The following TNRC18 variants were observed in gnomAD, a reference collection of about 807,000 sequenced individuals.
TNRC18 encodes trinucleotide repeat containing 18.
In TNRC18, 69 loss-of-function variants were observed where a neutral mutation model predicts 226.7. The ratio of observed to expected loss-of-function variants is 0.30; its 90% CI spans 0.25 to 0.37. The LOEUF (loss-of-function observed/expected upper bound fraction) is 0.37, where lower values mean the gene tolerates loss of function less well. Ranked by LOEUF, TNRC18 falls within the 10% of genes least tolerant of loss-of-function variation. TNRC18 has a pLI of 1.00. For missense variants in TNRC18, 4,754 were observed against 4,256.6 expected (o/e 1.12, Z -3.25); for synonymous variants, 2,449 against 1,927.6 (o/e 1.27, Z -7.09).
chr7:5,377,892 T>G lies in TNRC18; in HGVS notation c.2255+30A>C, dbSNP rs1779117314. ...CCCCCAGGGGCTCCTAGATACCCCCTAGACCCTCAGGATCCCCCGACACCC... is the reference window on the plus strand; with the variant it reads ...CCCCCAGGGGCTCCTAGATACCCCCGAGACCCTCAGGATCCCCCGACACCC... On this transcript the variant is annotated intron_variant, in intron 6 of 29. Transcript: ENST00000430969. This position sits in a 1 kb window ranked among gnomAD's most constrained non-coding sequence, Gnocchi z 5.8. The G allele has an allele frequency of 6.2e-7, 1 of 1,606,996 alleles. No individual in the cohort carries two copies. The highest frequency in any genetic ancestry group is 1.3e-5 in the African/African-American group (1 of 74,628).
intron 19 of TNRC18, among the ~76,000 whole-genome samples, chr7:5,330,872 G>A (rs1789457088): frequency 6.6e-6 from 1 of 151,884 alleles, no homozygotes; most frequent in African/African-American, 2.4e-5. Context: ...ACAGGATTTC[G>A]TCATGTTGGC....
chr7:5,400,126 G>A lies in TNRC18; in HGVS notation c.188-5531C>T, dbSNP rs1371230567. Among the ~76,000 whole-genome samples the A allele has an allele frequency of 6.6e-5, 10 of 151,980 alleles. No homozygotes were observed. The East Asian group carries it at 1.7e-3, about 26-fold the overall frequency. ...CGAAGTCTGGGGTCTAGAATTCCTGGGCTCAAGCGATCCTCCCACCTCGGC... is the reference window on the plus strand; with the variant it reads ...CGAAGTCTGGGGTCTAGAATTCCTGAGCTCAAGCGATCCTCCCACCTCGGC... On this transcript the variant is annotated intron_variant, in intron 2 of 29. Transcript: ENST00000430969.
Position 5,325,189 on chromosome 7 carries a change from G to A in TNRC18, c.6207C>T (p.Ala2069=). 1 of 1,554,508 alleles carries A rather than the reference G, an allele frequency of 6.4e-7. No homozygotes were observed. The highest frequency in any genetic ancestry group is 8.7e-7 in the Non-Finnish European group (1 of 1,149,734). ...GAGLPPPRAP[A]LPSEARAPHA... ...GAGGAGCCCTGGCCTCAGAGGGCAA[G>A]GCAGGAGCTCGGGGCGGCGGCAGCC... is the stretch of plus-strand genomic sequence containing the variant. Residue 2069 remains alanine (A), a synonymous_variant, in exon 20 of 30, where the codon GCC becomes GCT. Coordinates refer to ENST00000430969, the MANE Select transcript of TNRC18 (RefSeq NM_001080495.3).
chr7:5,376,229 A>G lies in TNRC18; in HGVS notation c.2609-5T>C, dbSNP rs762974427. On this transcript the variant is annotated splice_polypyrimidine_tract_variant and splice_region_variant and intron_variant, in intron 8 of 29. Transcript: ENST00000430969. ...TGGCCCGCTCCATCAGCTCCGCTGC[A>G]GGGACAGAGACAGTGCGCTGCACCT... 8.0e-6 allele frequency: 12 copies of G among 1,492,362 alleles called. No individual in the cohort carries two copies. In the East Asian group the frequency reaches 9.6e-5, roughly 12 times the overall value. 92.4% of individuals were successfully genotyped at this position (1,492,362 alleles called of 1,614,324 possible). A position where few individuals can be genotyped will look rare whatever the true frequency, so the allele number is the denominator to read the frequency against.
intron 19 of TNRC18, among the ~76,000 whole-genome samples, chr7:5,328,489 G>T (rs546087411): frequency 6.6e-6 from 1 of 150,428 alleles, no homozygotes; most frequent in African/African-American, 2.4e-5. Context: ...GCAACACAGT[G>T]AGACCACCTT....
At chr7:5,322,892 G>A (rs1268330718) in intron 21 of TNRC18, among the ~76,000 whole-genome samples, 1 of 152,224 alleles carries the variant, frequency 6.6e-6, no homozygotes, top group Non-Finnish European at 1.5e-5. Context: ...CTGACGTTGG[G>A]CTTGGCCATG....
Position 5,394,426 on chromosome 7 carries a change from G to A in TNRC18, c.343+14C>T, listed in dbSNP as rs777122464. ...CCCAGCAGCCCTCAGCCCCGACCCC[G>A]GCATGTTCCTTACCTTCATGGGCGT... is the stretch of plus-strand genomic sequence containing the variant. On this transcript the variant is annotated intron_variant, in intron 3 of 29. Transcript: ENST00000430969. The surrounding 1 kb of genome is among the most constrained non-coding windows in gnomAD (Gnocchi z 4.5). 2.5e-5 allele frequency: 38 copies of A among 1,521,060 alleles called. No individual in the cohort carries two copies. The highest frequency in any genetic ancestry group is 5.0e-5 in the South Asian group (4 of 80,718). 94.2% of individuals were successfully genotyped at this position (1,521,060 alleles called of 1,614,324 possible). A position where few individuals can be genotyped will look rare whatever the true frequency, so the allele number is the denominator to read the frequency against.
rs1286713089 is a variant in TNRC18 at position 5,313,822 on chromosome 7, C to T, written c.7069G>A (p.Val2357Ile). Residue 2357 changes from valine (V) to isoleucine (I), a missense_variant, in exon 27 of 30, where the codon GTC becomes ATC. Coordinates refer to ENST00000430969, the MANE Select transcript of TNRC18 (RefSeq NM_001080495.3). Reference protein sequence around the residue: ...TLEEGNPTDEVPSTPLALEPS... With the variant: ...TLEEGNPTDEIPSTPLALEPS... ...TCCAGGGCTAAGGGGGTACTGGGGA[C>T]CTCGTCTGTTGGGTTCCCCTCCTCC... The T allele has an allele frequency of 1.3e-6, 2 of 1,509,342 alleles. No individual in the cohort carries two copies. Among genetic ancestry groups the T allele is most frequent in the Admixed American group, 4.5e-5 (2 of 44,136 alleles). 93.5% of individuals were successfully genotyped at this position (1,509,342 alleles called of 1,614,324 possible).
chr7:5,414,540 G>A (rs1782044106), intron 2 of TNRC18, among the ~76,000 whole-genome samples: 1 of 151,940 alleles, frequency 6.6e-6, no homozygotes, highest in Non-Finnish European at 1.5e-5. Flanking sequence ...AGCCTCCAGA[G>A]TAGCTGGGAC....
chr7:5,376,805 G>A (rs1413367838), intron 8 of TNRC18, 42 bp downstream of exon 8: 1 of 1,594,790 alleles, frequency 6.3e-7, no homozygotes, highest in Non-Finnish European at 8.5e-7. Flanking sequence ...CGCTGGGCAT[G>A]GCCAGTCTGG....
intron 11 of TNRC18, among the ~76,000 whole-genome samples, chr7:5,365,038 CG>C (rs2128165687): frequency 6.8e-6 from 1 of 146,618 alleles, no homozygotes; most frequent in Admixed American, 6.9e-5. Context: ...GGGGCGGGGG[CG>C]GAAGGGCAGC....
intron 14 of TNRC18, among the ~76,000 whole-genome samples, 176 bp downstream of exon 14, chr7:5,361,418 G>A (rs10264950): frequency 5.9e-5 from 9 of 152,306 alleles, no homozygotes; most frequent in Non-Finnish European, 8.8e-5. Flanking sequence ...CACCGGCCTC[G>A]CTCCCTCCTG....
chr7:5,414,569 C>T (rs1782046599), intron 2 of TNRC18, among the ~76,000 whole-genome samples: 2 of 152,066 alleles, frequency 1.3e-5, no homozygotes, highest in African/African-American at 2.4e-5. Flanking sequence ...CCCGCCACCA[C>T]GCCCGGCTAT....
At position 5,346,202 on chromosome 7, in the gene TNRC18, G is replaced by C. The variant is rs562509753; in HGVS notation, c.5471-392C>G. Among the ~76,000 whole-genome samples the C allele has an allele frequency of 2.0e-5, 3 of 152,364 alleles. No individual in the cohort carries two copies. In the East Asian group the frequency reaches 5.8e-4, roughly 29 times the overall value. On this transcript the variant is annotated intron_variant, in intron 17 of 29. Coordinates refer to ENST00000430969, the MANE Select transcript of TNRC18 (RefSeq NM_001080495.3). ...ACACAGAGGCAGGAGGAGAAGGAAA[G>C]AGGAAGCGGAGGGAGGTGAGCACGG...
intron 17 of TNRC18, among the ~76,000 whole-genome samples, chr7:5,351,526 G>T (rs947677321): frequency 1.4e-4 from 22 of 152,114 alleles, no homozygotes; most frequent in Non-Finnish European, 2.9e-5. Context: ...CAGGGAGGAG[G>T]GCAAGTGGAG....
intron 10 of TNRC18, among the ~76,000 whole-genome samples, chr7:5,372,070 ATT>A (rs35270494): frequency 5.7e-4 from 83 of 144,766 alleles, no homozygotes; most frequent in South Asian, 6.6e-4. Flanking sequence ...CGCCTGGCTA[ATT>A]TTTTTTTTTT....
Position 5,306,851 on chromosome 7 carries a change from C to T in TNRC18, c.*1255G>A, listed in dbSNP as rs574626806. On this transcript the variant is annotated 3_prime_UTR_variant, in exon 30 of 30. Coordinates refer to ENST00000430969, the MANE Select transcript of TNRC18 (RefSeq NM_001080495.3). ...TGAAAAAAGATCACACAGAATTTGC[C>T]AACAAACAAAATTCCAAAAGAAACA... 6.7e-6 allele frequency: 1 copy of T among 149,454 alleles called. No homozygotes were observed. The highest frequency in any genetic ancestry group is 2.1e-4 in the South Asian group (1 of 4,704). The allele number at this position is 149,454 out of a possible 1,614,324, so 9.3% of individuals were successfully genotyped here. A position where few individuals can be genotyped will look rare whatever the true frequency, so the allele number is the denominator to read the frequency against.
At chr7:5,420,499 C>T in intron 2 of TNRC18, 1 of 448,944 alleles carries the variant, frequency 2.2e-6, no homozygotes, top group South Asian at 1.6e-5. Flanking sequence ...GCATCCCGCC[C>T]GCCCCGAGGC....
chr7:5,395,667 T>C (rs775075944), intron 2 of TNRC18, among the ~76,000 whole-genome samples: 3 of 152,074 alleles, frequency 2.0e-5, no homozygotes, highest in Non-Finnish European at 4.4e-5. Context: ...TCGGGAATGA[T>C]AGGGAAGGAA....
Sources: gnomAD v4.1 joint callset for allele counts (sites outside exome capture counted in the v4.1 genomes callset) on GRCh38, gnomAD v4.1.1 for gene constraint, Gnocchi (gnomAD v3.1) non-coding constraint, MANE v1.5 for transcripts, NCBI Gene and HGNC (gene_info 2026-07-23, HGNC 2026-07-21) for gene names.